PPP2R5E: variants seen among roughly 807,000 people sequenced by gnomAD.
The protein encoded by PPP2R5E is serine/threonine-protein phosphatase 2A 56 kDa regulatory subunit epsilon isoform.
PPP2R5E carries 4 observed loss-of-function variants against 65.3 expected under a neutral mutation model. That is an observed-to-expected ratio of 0.06 (90% confidence interval 0.03 to 0.14). The LOEUF (loss-of-function observed/expected upper bound fraction) is 0.14, where lower values mean the gene tolerates loss of function less well. Among genes scored for constraint, PPP2R5E ranks in the 10% least tolerant of loss-of-function variants. PPP2R5E has a pLI of 1.00. For missense variants in PPP2R5E, 274 were observed against 556.1 expected (o/e 0.49, Z 5.10); for synonymous variants, 183 against 187.4 (o/e 0.98, Z 0.19).
chr14:63,508,937 C>A (rs1294669598), intron 2 of PPP2R5E, among the ~76,000 whole-genome samples: 5 of 152,206 alleles, frequency 3.3e-5, no homozygotes, highest in Admixed American at 2.6e-4. Context: ...TGCAAAATTT[C>A]TATTTTATAC....
chr14:63,453,535 T>G, intron 3 of PPP2R5E, 154 bp downstream of exon 3: 1 of 604,608 alleles, frequency 1.7e-6, no homozygotes, highest in Non-Finnish European at 2.7e-6. Context: ...CTCTTCAAAT[T>G]CTAGCACTGT....
At chr14:63,541,450 G>T (rs1040856788) in intron 1 of PPP2R5E, among the ~76,000 whole-genome samples, 2 of 152,106 alleles carry the variant, frequency 1.3e-5, no homozygotes, top group Non-Finnish European at 2.9e-5. Flanking sequence ...TAACCCTCTC[G>T]AGTTATTAAA....
chr14:63,499,243 G>A (rs189256605), intron 2 of PPP2R5E, among the ~76,000 whole-genome samples: 1 of 152,040 alleles, frequency 6.6e-6, no homozygotes, highest in Non-Finnish European at 1.5e-5. Flanking sequence ...ACATATCACA[G>A]GTCAGAGCTG....
chr14:63,509,267 C>CTT (rs10553696), intron 2 of PPP2R5E, among the ~76,000 whole-genome samples: 86 of 108,036 alleles, frequency 8.0e-4, no homozygotes, highest in Non-Finnish European at 1.1e-3. Flanking sequence ...TTAAAATATC[C>CTT]TTTTTTTTTT....
rs557791091 is a variant in PPP2R5E, at chr14:63,494,356, C to A, written c.158-40471G>T. On this transcript the variant is annotated intron_variant, in intron 2 of 13. Transcript: ENST00000337537. ...TTAAGCAATTCTCCTGCCTCAGCCT[C>A]CTGAGTAGCTGGGATTACAGGTGTG... Among the ~76,000 whole-genome samples, 7 of 152,076 alleles carry A rather than the reference C, an allele frequency of 4.6e-5. No individual in the cohort carries two copies. The South Asian group carries it at 1.5e-3, about 32-fold the overall frequency.
At chr14:63,432,615 G>A (rs75642055) in intron 3 of PPP2R5E, among the ~76,000 whole-genome samples, 33 of 152,188 alleles carry the variant, frequency 2.2e-4, no homozygotes, top group African/African-American at 7.9e-4. Context: ...CTTGACCTGT[G>A]GCATGTTCAT....
chr14:63,478,183 A>G (rs144966409), intron 2 of PPP2R5E, among the ~76,000 whole-genome samples: 2 of 152,330 alleles, frequency 1.3e-5, no homozygotes, highest in East Asian at 3.9e-4. Flanking sequence ...CTTGGGACAC[A>G]TCGAATGACA....
chr14:63,512,078 T>TTA (rs758540476), intron 2 of PPP2R5E, among the ~76,000 whole-genome samples: 4 of 87,076 alleles, frequency 4.6e-5, no homozygotes, highest in Admixed American at 1.5e-4. Context: ...GACTCTGCGG[T>TTA]AAAAAAAAAA....
chr14:63,376,186 C>A, intron 13 of PPP2R5E, 78 bp from the exon 14 acceptor site: 1 of 981,608 alleles, frequency 1.0e-6, no homozygotes, highest in Non-Finnish European at 1.6e-6. Flanking sequence ...TACAATTTCA[C>A]CTTAACACTC....
intron 2 of PPP2R5E, among the ~76,000 whole-genome samples, chr14:63,494,745 A>G (rs571039632): frequency 7.2e-4 from 110 of 151,746 alleles, no homozygotes; most frequent in African/African-American, 2.6e-3. Flanking sequence ...AAATACAAAA[A>G]CTAGCCAAGC....
At chr14:63,440,783 C>CAAAAAAAAAAA (rs763718989) in intron 3 of PPP2R5E, among the ~76,000 whole-genome samples, 38 of 108,810 alleles carry the variant, frequency 3.5e-4, no homozygotes, top group African/African-American at 1.3e-3. Context: ...CTAAAAAATA[C>CAAAAAAAAAAA]AAAAAAAAAA....
chr14:63,494,886 G>T (rs1363885395), intron 2 of PPP2R5E, among the ~76,000 whole-genome samples: 1 of 150,112 alleles, frequency 6.7e-6, no homozygotes, highest in African/African-American at 2.5e-5. Flanking sequence ...AATAGAGCCA[G>T]ACCTTATCTC....
chr14:63,428,722 A>G (rs76106761), intron 3 of PPP2R5E, among the ~76,000 whole-genome samples: 2,330 of 151,954 alleles, frequency 0.015, 37 homozygotes, highest in Non-Finnish European at 0.019. Context: ...ATGACCTCAT[A>G]AACAAAAGAG....
chr14:63,417,813 G>A (rs144849834), intron 4 of PPP2R5E, among the ~76,000 whole-genome samples: 2 of 152,130 alleles, frequency 1.3e-5, no homozygotes, highest in African/African-American at 2.4e-5. Context: ...TTTAACCACC[G>A]CCACTTTTGC....
At chr14:63,398,881 G>A (rs911172116) in intron 5 of PPP2R5E, among the ~76,000 whole-genome samples, 37 of 152,292 alleles carry the variant, frequency 2.4e-4, no homozygotes, top group African/African-American at 7.2e-4. Flanking sequence ...AAGTGTTGGC[G>A]AGGATATGGA....
At chr14:63,535,668 T>C (rs1020373099) in intron 2 of PPP2R5E, among the ~76,000 whole-genome samples, 12 of 152,224 alleles carry the variant, frequency 7.9e-5, no homozygotes, top group African/African-American at 2.9e-4. Flanking sequence ...AATTATCGTA[T>C]TCAAACTCCC....
chr14:63,415,028 T>C, intron 5 of PPP2R5E, 112 bp downstream of exon 5: 1 of 595,570 alleles, frequency 1.7e-6, no homozygotes, highest in Non-Finnish European at 2.9e-6. Flanking sequence ...TATATATATA[T>C]TTTGTGGGTG....
intron 2 of PPP2R5E, among the ~76,000 whole-genome samples, chr14:63,501,265 C>T (rs1344941196): frequency 1.3e-5 from 2 of 151,834 alleles, no homozygotes; most frequent in Non-Finnish European, 2.9e-5. Context: ...ATTAGCCGGG[C>T]GTGGTGGCGA....
chr14:63,396,441 G>A, intron 6 of PPP2R5E, 145 bp downstream of exon 6: 1 of 1,043,834 alleles, frequency 9.6e-7, no homozygotes, highest in Non-Finnish European at 1.4e-6. Flanking sequence ...AGAGGAAGAG[G>A]CAGGAGAGTC....
Sources: gnomAD v4.1 joint callset for allele counts (sites outside exome capture counted in the v4.1 genomes callset) on GRCh38, gnomAD v4.1.1 for gene constraint, MANE v1.5 for transcripts, NCBI Gene and HGNC (gene_info 2026-07-23, HGNC 2026-07-21) for gene names.